The following DDX31 variants were observed in gnomAD, a reference collection of about 807,000 sequenced individuals.
The protein encoded by DDX31 is DEAD-box helicase 31.
Under a neutral mutation model 91.3 loss-of-function variants are expected in DDX31, and 70 were observed. The observed-to-expected ratio is 0.77, with a 90% confidence interval of 0.63 to 0.94. The LOEUF is 0.94. DDX31 is among the 40% of genes least tolerant of loss of function. DDX31 has a pLI of 0.00. For missense variants in DDX31, 902 were observed against 925.0 expected, an observed-to-expected ratio of 0.98 and a Z score of 0.32; for synonymous variants, 362 against 350.6, an observed-to-expected ratio of 1.03 and a Z score of -0.36.
intron 18 of DDX31, among the ~76,000 whole-genome samples, chr9:132,616,457 T>C (rs1230520325): frequency 6.6e-6 from 1 of 152,226 alleles, no homozygotes. Context: ...CCGAGACACC[T>C]TGAAATAGTT....
chr9:132,662,418 G>A, intron 2 of DDX31, 21 bp downstream of exon 2: 2 of 1,613,762 alleles, frequency 1.2e-6, no homozygotes, highest in Non-Finnish European at 1.7e-6. Flanking sequence ...CTTCCTGAAG[G>A]GCATCCGCCC....
At position 132,658,691 on chromosome 9, in the gene DDX31, C is replaced by T. The variant is rs1005223734; in HGVS notation, c.568G>A (p.Ala190Thr). ...CACACCTGTATTTTTGACTCCATTG[C>T]TTGAAGGGACTGGACCACAGGGATG... ...YCIPVVQSLQAMESKIQRSDG... is the reference protein window; with the variant it reads ...YCIPVVQSLQTMESKIQRSDG... The change falls in exon 6 of 20, where the codon GCA (alanine) becomes ACA (threonine). Residue 190 changes from alanine to threonine, a missense_variant. Ala to Thr is a moderately conservative substitution (Grantham distance 58, BLOSUM62 0). Transcript: ENST00000372159. The T allele has an allele frequency of 6.2e-6, 10 of 1,613,878 alleles. No individual in the cohort carries two copies. The highest frequency in any genetic ancestry group is 8.5e-6 in the Non-Finnish European group (10 of 1,179,934).
At position 132,652,456 on chromosome 9, in the gene DDX31, T is replaced by C. The variant is rs763895819; in HGVS notation, c.625A>G (p.Thr209Ala). ...AAAGGGAGCCTGCTTACCTCTCTCG[T>C]TGGCACGAGCACCAGGGCATAGGGG... The part of the protein sequence containing the change: ...DGPYALVLVP[T>A]RELALQSFDT... Residue 209 changes from threonine to alanine, a missense_variant, in exon 7 of 20, where the codon ACG becomes GCG. Transcript: ENST00000372159. 2.2e-5 allele frequency: 35 copies of C among 1,614,004 alleles called. No homozygotes were observed. Among genetic ancestry groups the C allele is most frequent in the Middle Eastern group, 3.3e-4 (2 of 6,080 alleles).
At chr9:132,665,128 G>C (rs1835225612) in intron 1 of DDX31, among the ~76,000 whole-genome samples, 1 of 152,202 alleles carries the variant, frequency 6.6e-6, no homozygotes, top group South Asian at 2.1e-4. Context: ...CCACAAGAAA[G>C]GGGCCAGTCT....
Position 132,647,036 on chromosome 9 carries a change from G to A in DDX31, c.990C>T (p.Ile330=), listed in dbSNP as rs1833884282. 1 of 1,613,706 alleles carries A rather than the reference G, an allele frequency of 6.2e-7. No individual in the cohort carries two copies. The highest frequency in any genetic ancestry group is 1.3e-5 in the African/African-American group (1 of 74,802). The change falls in exon 12 of 20, where the codon ATC becomes ATT. Residue 330 remains isoleucine, a synonymous_variant. Transcript: ENST00000372159. ...LTEGVTRLAD[I]SLHDPVSISV... ...AAATACTGACTGGATCATGCAAACT[G>A]ATATCAGCTAGCCGCGTTACACCTT...
At chr9:132,645,859 G>A (rs761299432) in intron 13 of DDX31, 36 bp downstream of exon 13, 33 of 1,582,128 alleles carry the variant, frequency 2.1e-5, no homozygotes, top group East Asian at 1.4e-4. Flanking sequence ...ACGTGGGGCC[G>A]CAGTGTTGTC....
intron 1 of DDX31, among the ~76,000 whole-genome samples, chr9:132,668,191 C>G (rs1223242643): frequency 1.3e-5 from 2 of 152,236 alleles, no homozygotes; most frequent in East Asian, 3.9e-4. Flanking sequence ...TGATTTTAAT[C>G]AGTCTTTCTG....
chr9:132,659,853 A>C (rs1834821705), intron 4 of DDX31, 73 bp from the exon 5 acceptor site: 1 of 1,438,248 alleles, frequency 7.0e-7, no homozygotes, highest in Admixed American at 1.8e-5. Flanking sequence ...GGATACATAA[A>C]AGGCAACTGC....
chr9:132,658,938 A>T (rs1379476244), intron 5 of DDX31, among the ~76,000 whole-genome samples: 1 of 152,252 alleles, frequency 6.6e-6, no homozygotes, highest in Non-Finnish European at 1.5e-5. Context: ...TTGTAAAATG[A>T]GTACTTCTAA....
At chr9:132,645,840 C>A (rs1833796074) in intron 13 of DDX31, 55 bp downstream of exon 13, 1 of 1,554,436 alleles carries the variant, frequency 6.4e-7, no homozygotes, top group African/African-American at 1.4e-5. Flanking sequence ...CAGGTTCGCC[C>A]CCATCTCCAC....
Position 132,612,103 on chromosome 9 carries a change from T to C in DDX31, c.1978A>G (p.Lys660Glu). The change falls in exon 19 of 20, where the codon AAA becomes GAA. Residue 660 changes from lysine (K) to glutamate (E), a missense_variant. Coordinates refer to ENST00000372159, the MANE Select transcript of DDX31 (RefSeq NM_022779.9). The part of the protein sequence containing the change: ...NLSALTRKKR[K>E]AHVKRPDLHK... ...TCATCTTACCTTTTCACGTGTGCTT[T>C]CCTCTTCTTTCTAGTCAAGGCACTA... 6.2e-7 allele frequency: 1 copy of C among 1,614,000 alleles called. No homozygotes were observed. The highest frequency in any genetic ancestry group is 1.1e-5 in the South Asian group (1 of 91,076).
chr9:132,641,763 A>G (rs145945963), intron 14 of DDX31, among the ~76,000 whole-genome samples: 55 of 152,342 alleles, frequency 3.6e-4, no homozygotes, highest in African/African-American at 1.3e-3. Context: ...ACACATTTTC[A>G]GACCAACAGC....
chr9:132,650,773 T>C (rs1170756306), intron 8 of DDX31, among the ~76,000 whole-genome samples: 3 of 152,242 alleles, frequency 2.0e-5, no homozygotes, highest in Admixed American at 6.5e-5. Flanking sequence ...TACTTGCAGC[T>C]AAGTTGCTTT....
At chr9:132,627,449 G>T (rs879613095) in intron 16 of DDX31, among the ~76,000 whole-genome samples, 2 of 152,094 alleles carry the variant, frequency 1.3e-5, no homozygotes, top group Non-Finnish European at 2.9e-5. Context: ...TTATTTATGG[G>T]TCCATCAACA....
chr9:132,665,659 G>A (rs369888632), intron 1 of DDX31, among the ~76,000 whole-genome samples: 3 of 152,150 alleles, frequency 2.0e-5, no homozygotes, highest in Non-Finnish European at 2.9e-5. Context: ...CTCTGTTGCC[G>A]CACCTGTAAA....
At chr9:132,665,426 A>T (rs1320037348) in intron 1 of DDX31, among the ~76,000 whole-genome samples, 1 of 152,164 alleles carries the variant, frequency 6.6e-6, no homozygotes, top group Non-Finnish European at 1.5e-5. Flanking sequence ...CAACCTCTAC[A>T]TTGGTGCTAC....
chr9:132,609,512 T>G (rs1279598207), intron 19 of DDX31, among the ~76,000 whole-genome samples: 2 of 152,190 alleles, frequency 1.3e-5, no homozygotes, highest in South Asian at 4.1e-4. Context: ...GCTATCTGGA[T>G]TAACACTTGC....
At chr9:132,662,077 C>G (rs532037211) in intron 3 of DDX31, among the ~76,000 whole-genome samples, 184 bp downstream of exon 3, 1 of 152,236 alleles carries the variant, frequency 6.6e-6, no homozygotes, top group East Asian at 1.9e-4. Context: ...AAACAGTGAA[C>G]AGTAACCTAA....
In DDX31 at chr9:132,654,134, TTAAAA is replaced by T. The variant is rs1319498466; in HGVS notation, c.589-1647_589-1643del. On this transcript the variant is annotated intron_variant, in intron 6 of 19. Transcript: ENST00000372159. Reference sequence around the variant, plus strand: ...ACAGATGACATAAAACTCAGAAACCTTAAAATAAAACACTGATACGTTTTATTACC... The same window carrying T: ...ACAGATGACATAAAACTCAGAAACCTTAAAACACTGATACGTTTTATTACC... Among the ~76,000 whole-genome samples, 4 of 152,188 alleles carry T rather than the reference TTAAAA, an allele frequency of 2.6e-5. No homozygotes were observed. The East Asian group carries it at 5.8e-4, about 22-fold the overall frequency.
Sources: gnomAD v4.1 joint callset for allele counts (sites outside exome capture counted in the v4.1 genomes callset) on GRCh38, gnomAD v4.1.1 for gene constraint, MANE v1.5 for transcripts, NCBI Gene and HGNC (gene_info 2026-07-23, HGNC 2026-07-21) for gene names.